TONSL: variants seen among roughly 807,000 people sequenced by gnomAD.
TONSL encodes the protein tonsoku like, DNA repair protein, also known as tonsoku-like protein.
A neutral mutation model predicts 147.1 loss-of-function variants in TONSL; 112 were observed. The ratio of observed to expected loss-of-function variants is 0.76; its 90% CI spans 0.65 to 0.89. The LOEUF is 0.89. TONSL is among the 40% of genes least tolerant of loss of function. The pLI, the probability that TONSL is intolerant of heterozygous loss-of-function variation, is 0.00. For synonymous variants in TONSL, 868 were observed against 801.5 expected, an observed-to-expected ratio of 1.08 and a Z score of -1.40; for missense variants, 1,883 against 1,864.6, an observed-to-expected ratio of 1.01 and a Z score of -0.18.
At position 144,435,370 on chromosome 8, in the gene TONSL, C is replaced by T. The variant is rs1036538058; in HGVS notation, c.2852+104G>A. ...GGGGCCACAGGATCCTCCTGGAACA[C>T]ACCAGGGAGCCCTCGTCACACGCCC... On this transcript the variant is annotated intron_variant, in intron 18 of 25. Transcript: ENST00000409379. The T allele has an allele frequency of 4.0e-6, 5 of 1,258,616 alleles. No individual in the cohort carries two copies. In the African/African-American group the frequency reaches 7.6e-5, roughly 19 times the overall value. 78.0% of individuals were successfully genotyped at this position (1,258,616 alleles called of 1,614,324 possible).
At position 144,441,044 on chromosome 8, in the gene TONSL, C is replaced by T. The variant is rs762247306; in HGVS notation, c.933G>A (p.Met311Ile). Residue 311 changes from methionine (M) to isoleucine (I), a missense_variant, in exon 8 of 26, where the codon ATG (methionine) becomes ATA (isoleucine). Met to Ile is a conservative substitution (Grantham distance 10). Coordinates refer to ENST00000409379, the MANE Select transcript of TONSL (RefSeq NM_013432.5). ...GGTCCCCTAGCTGCTCACAGATGACCATGGCACCCTGAGGGTCTCTGCCCT... is the reference window on the plus strand; with the variant it reads ...GGTCCCCTAGCTGCTCACAGATGACTATGGCACCCTGAGGGTCTCTGCCCT... ...EAEGRDPQGA[M>I]VICEQLGDLF... 4.6e-5 allele frequency: 74 copies of T among 1,612,936 alleles called. No individual in the cohort carries two copies. The Middle Eastern group carries it at 9.9e-4, about 22-fold the overall frequency.
Position 144,428,947 on chromosome 8 carries a change from G to A in TONSL, c.*196C>T, listed in dbSNP as rs1586676308. On this transcript the variant is annotated 3_prime_UTR_variant, in exon 26 of 26. Transcript: ENST00000409379. ...TGGGACTACAGGCTTCCACCACCACGCCCGGCTAATTTTTGGTATTTTTAG... is the reference window on the plus strand; with the variant it reads ...TGGGACTACAGGCTTCCACCACCACACCCGGCTAATTTTTGGTATTTTTAG... 3.6e-6 allele frequency: 2 copies of A among 560,918 alleles called. No individual in the cohort carries two copies. Among genetic ancestry groups the A allele is most frequent in the Non-Finnish European group, 2.9e-6 (1 of 343,846 alleles). The allele number at this position is 560,918 out of a possible 1,614,324, so 34.7% of individuals were successfully genotyped here. A position where few individuals can be genotyped will look rare whatever the true frequency, so the allele number is the denominator to read the frequency against.
At chr8:144,443,094 G>C (rs752398604) in intron 4 of TONSL, 44 bp downstream of exon 4, 4 of 1,533,448 alleles carry the variant, frequency 2.6e-6, no homozygotes, top group Admixed American at 4.0e-5. Flanking sequence ...CAGCCTCTTC[G>C]GCCCGAAGTT....
At chr8:144,441,287 G>C (rs187586563) in intron 7 of TONSL, 176 bp from the exon 8 acceptor site, 2 of 901,488 alleles carry the variant, frequency 2.2e-6, no homozygotes, top group East Asian at 5.4e-5. Context: ...AGGGTCACAA[G>C]AACTAACACA....
chr8:144,435,839 G>C lies in TONSL; in HGVS notation c.2594C>G (p.Ser865Trp). 1.2e-6 allele frequency: 2 copies of C among 1,611,960 alleles called. No individual in the cohort carries two copies. The highest frequency in any genetic ancestry group is 1.7e-6 in the Non-Finnish European group (2 of 1,179,274). ...ACGGGGCCTGCTCTCCTCACTGTCC[G>C]ACCCAGAGGTACTACTGGGCCTGCG... ...DNRRPSSTSG[S>W]DSEESRPRAR... The change falls in exon 17 of 26, where the codon TCG (serine) becomes TGG (tryptophan). Residue 865 changes from serine to tryptophan, a missense_variant. Physicochemically the swap from Ser to Trp is radical, Grantham distance 177. Coordinates refer to ENST00000409379, the MANE Select transcript of TONSL (RefSeq NM_013432.5).
chr8:144,441,422 C>A, intron 7 of TONSL: 1 of 282,914 alleles, frequency 3.5e-6, no homozygotes, highest in Non-Finnish European at 6.8e-6. Context: ...GAAACCTCGT[C>A]TCTACTAAAA....
chr8:144,442,690 T>C lies in TONSL; in HGVS notation c.565A>G (p.Ile189Val), dbSNP rs1199707323. 1 of 1,612,774 alleles carries C rather than the reference T, an allele frequency of 6.2e-7. No individual in the cohort carries two copies. ...GCAGGGCCTTACTCCGCAAGGAAGATGCTCTTCCTGAAGTAATCGTTGCAC... is the reference window on the plus strand; with the variant it reads ...GCAGGGCCTTACTCCGCAAGGAAGACGCTCTTCCTGAAGTAATCGTTGCAC... The part of the protein sequence containing the change: ...ALCNDYFRKS[I>V]FLAEQNHLYE... Residue 189 changes from isoleucine (I) to valine (V), a missense_variant, in exon 5 of 26, where the codon ATC (isoleucine) becomes GTC (valine). Physicochemically the swap from Ile to Val is conservative, Grantham distance 29. Transcript: ENST00000409379.
At position 144,435,976 on chromosome 8, in the gene TONSL, G is replaced by C; in HGVS notation, c.2457C>G (p.Ala819=). ...GPPRGHSKAL[A]PQAALIPEEE... ...CCTCCGGGATGAGCGCTGCCTGGGG[G>C]GCAAGGGCTTTGCTGTGGCCCCGCG... Residue 819 remains alanine (A), a synonymous_variant, in exon 17 of 26, where the codon GCC becomes GCG. Coordinates refer to ENST00000409379, the MANE Select transcript of TONSL (RefSeq NM_013432.5). The C allele has an allele frequency of 6.4e-7, 1 of 1,555,848 alleles. No homozygotes were observed. The highest frequency in any genetic ancestry group is 8.7e-7 in the Non-Finnish European group (1 of 1,151,712).
chr8:144,436,837 CGTGGAGGGGG>C lies in TONSL; in HGVS notation c.1800_1809del (p.Pro601MetfsTer39). The C allele has an allele frequency of 6.2e-7, 1 of 1,611,010 alleles. No homozygotes were observed. The highest frequency in any genetic ancestry group is 8.5e-7 in the Non-Finnish European group (1 of 1,179,932). Reference sequence around the variant, plus strand: ...TCGAAGTGGCCACAGTTGAGGGCATCGTGGAGGGGGGTGATGCCTTCGCAGCCCTGGCCAC... The same window carrying C: ...TCGAAGTGGCCACAGTTGAGGGCATCGTGATGCCTTCGCAGCCCTGGCCAC... On this transcript the variant is annotated frameshift_variant, in exon 15 of 26. Coordinates refer to ENST00000409379, the MANE Select transcript of TONSL (RefSeq NM_013432.5). LOFTEE classifies it high-confidence loss of function.
intron 13 of TONSL, chr8:144,437,757 C>T (rs1265742791): frequency 6.5e-6 from 1 of 154,194 alleles, no homozygotes; most frequent in Non-Finnish European, 1.4e-5. Context: ...GTATGTGCCA[C>T]CATACCCAGC....
Position 144,431,412 on chromosome 8 carries a change from C to CG in TONSL, c.3736-262dup, listed in dbSNP as rs1414657368. ...AGTGTGCCCCTTGGGACCTTCCTGG[C>CG]GGGGGGCAAGATCACCCTGAGTCCC... is the stretch of plus-strand genomic sequence containing the variant. On this transcript the variant is annotated intron_variant, in intron 23 of 25. Transcript: ENST00000409379. 1.7e-3 allele frequency among the ~76,000 whole-genome samples: 263 copies of CG among 152,248 alleles called. 1 individual carries two copies. The highest frequency in any genetic ancestry group is 6.0e-3 in the African/African-American group (250 of 41,556).
Position 144,434,872 on chromosome 8 carries a change from A to C in TONSL, c.3024T>G (p.Thr1008=). Residue 1008 remains threonine (T), a synonymous_variant, in exon 20 of 26, where the codon ACT becomes ACG. Coordinates refer to ENST00000409379, the MANE Select transcript of TONSL (RefSeq NM_013432.5). ...CAGTCAACGGGGGCAGGTCCCACGAAGTCACCTCAGCCAACACCTGGAAGG... is the reference window on the plus strand; with the variant it reads ...CAGTCAACGGGGGCAGGTCCCACGACGTCACCTCAGCCAACACCTGGAAGG... The part of the protein sequence containing the change: ...QSNDEVLAEV[T]SWDLPPLTDR... 6.2e-7 allele frequency: 1 copy of C among 1,613,392 alleles called. No individual in the cohort carries two copies. The highest frequency in any genetic ancestry group is 8.5e-7 in the Non-Finnish European group (1 of 1,179,946).
Position 144,436,872 on chromosome 8 carries a change from C to G in TONSL, c.1775G>C (p.Gly592Ala). ...LDHGAAVDDP[G>A]GQGCEGITPL... ...GGTGATGCCTTCGCAGCCCTGGCCA[C>G]CTGGGTCGTCCACTGCGGCCCCGTG... Residue 592 changes from glycine to alanine, a missense_variant, in exon 15 of 26, where the codon GGT becomes GCT. Transcript: ENST00000409379. 1 of 1,609,688 alleles carries G rather than the reference C, an allele frequency of 6.2e-7. No homozygotes were observed. Among genetic ancestry groups the G allele is most frequent in the Non-Finnish European group, 8.5e-7 (1 of 1,179,734 alleles).
Position 144,436,724 on chromosome 8 carries a change from C to G in TONSL, c.1890+33G>C, listed in dbSNP as rs539948105. 1.9e-6 allele frequency: 3 copies of G among 1,610,816 alleles called. No individual in the cohort carries two copies. The East Asian group carries it at 6.7e-5, about 36-fold the overall frequency. ...AGCAGGGGCACAGCAGCCCCCATAA[C>G]CTCGCCCTTGCCCTCTGCCCCACCA... On this transcript the variant is annotated intron_variant, in intron 15 of 25. Coordinates refer to ENST00000409379, the MANE Select transcript of TONSL (RefSeq NM_013432.5).
At chr8:144,443,611 G>C (rs1205009199) in intron 3 of TONSL, among the ~76,000 whole-genome samples, 1 of 152,242 alleles carries the variant, frequency 6.6e-6, no homozygotes. Context: ...GAGAGCTTTT[G>C]GGATGGGGCC....
intron 23 of TONSL, among the ~76,000 whole-genome samples, chr8:144,432,002 A>G (rs907139104): frequency 6.9e-5 from 10 of 145,666 alleles, no homozygotes; most frequent in Non-Finnish European, 1.1e-4. Flanking sequence ...TAATTTTTGT[A>G]TTTTTACTAG....
intron 14 of TONSL, 32 bp from the exon 15 acceptor site, chr8:144,436,952 G>A (rs1256412184): frequency 6.8e-6 from 11 of 1,611,018 alleles, no homozygotes; most frequent in Admixed American, 1.7e-5. Context: ...CCCAGCTCCC[G>A]ATGCCCCGCC....
In TONSL at chr8:144,435,825, TCTC is replaced by T. The variant is rs1432969461; in HGVS notation, c.2605_2607del (p.Glu869del). ...TGCTTGGCTCGGGCACGGGGCCTGC[TCTC>T]CTCACTGTCCGACCCAGAGGTACTA... On this transcript the variant is annotated inframe_deletion, in exon 17 of 26. Coordinates refer to ENST00000409379, the MANE Select transcript of TONSL (RefSeq NM_013432.5). 1 of 1,612,452 alleles carries T rather than the reference TCTC, an allele frequency of 6.2e-7. No homozygotes were observed. Among genetic ancestry groups the T allele is most frequent in the South Asian group, 1.1e-5 (1 of 91,076 alleles).
rs150533498 is a variant in TONSL at position 144,440,132 on chromosome 8, G to C, written c.1369C>G (p.Arg457Gly). Reference sequence around the variant, plus strand: ...TCATCTTCAGCTACACTGAGCTCCCGTAGTCTGGTTTCGGTCTCAGGGGCC... The same window carrying C: ...TCATCTTCAGCTACACTGAGCTCCCCTAGTCTGGTTTCGGTCTCAGGGGCC... ...QEAPETETRL[R>G]ELSVAEDEDE... The change falls in exon 11 of 26, where the codon CGG becomes GGG. Residue 457 changes from arginine (R) to glycine (G), a missense_variant. Coordinates refer to ENST00000409379, the MANE Select transcript of TONSL (RefSeq NM_013432.5). The C allele has an allele frequency of 8.1e-6, 13 of 1,611,904 alleles. No individual in the cohort carries two copies. In the South Asian group the frequency reaches 1.1e-4, roughly 14 times the overall value.
Sources: gnomAD v4.1 joint callset for allele counts (sites outside exome capture counted in the v4.1 genomes callset) on GRCh38, gnomAD v4.1.1 for gene constraint, MANE v1.5 for transcripts, NCBI Gene and HGNC (gene_info 2026-07-23, HGNC 2026-07-21) for gene names.